The following SH3KBP1 variants were observed in gnomAD, a reference collection of about 807,000 sequenced individuals.
SH3KBP1 encodes SH3 domain-containing kinase-binding protein 1.
SH3KBP1 carries 8 observed loss-of-function variants against 50.1 expected under a neutral mutation model. That is an observed-to-expected ratio of 0.16 (90% CI 0.09 to 0.29). SH3KBP1 has a LOEUF of 0.29. SH3KBP1 is among the 10% of genes least tolerant of loss of function. SH3KBP1 has a pLI of 1.00. For missense variants in SH3KBP1, 377 were observed against 535.2 expected, an observed-to-expected ratio of 0.70 and a Z score of 2.92; for synonymous variants, 227 against 218.6, an observed-to-expected ratio of 1.04 and a Z score of -0.34.
At chrX:19,753,174 T>C (rs937534000) in intron 2 of SH3KBP1, among the ~76,000 whole-genome samples, 2 of 111,558 alleles carry the variant, frequency 1.8e-5, no homozygotes, top group Admixed American at 1.9e-4. Flanking sequence ...CTGAGTGAGG[T>C]TGGGCAGAGC....
chrX:19,760,588 C>T (rs1247266375), intron 2 of SH3KBP1, among the ~76,000 whole-genome samples: 1 of 109,256 alleles, frequency 9.2e-6, no homozygotes. Flanking sequence ...GGGCATGGTA[C>T]TGTTATTCCT....
chrX:19,886,085 G>T (rs2097609128), intron 1 of SH3KBP1, among the ~76,000 whole-genome samples: 1 of 111,947 alleles, frequency 8.9e-6, no homozygotes. Flanking sequence ...TGGGAGAGAA[G>T]GGCACTGTGA....
In SH3KBP1 at chrX:19,651,232, C is replaced by T. The variant is rs144955036; in HGVS notation, c.727-5757G>A. On this transcript the variant is annotated intron_variant, in intron 6 of 17. Coordinates refer to ENST00000397821, the MANE Select transcript of SH3KBP1 (RefSeq NM_031892.3). ...CAATGGGGTGCCTTGTGTGCTTCCC[C>T]GGAAGCTTTTCTGCTCCCTTAGAAA... Among the ~76,000 whole-genome samples, 152 of 110,679 alleles carry T rather than the reference C, an allele frequency of 1.4e-3. 1 individual carries two copies. Among genetic ancestry groups the T allele is most frequent in the Middle Eastern group, 4.7e-3 (1 of 215 alleles).
At chrX:19,786,965 C>T (rs1344292786) in intron 2 of SH3KBP1, among the ~76,000 whole-genome samples, 1 of 112,077 alleles carries the variant, frequency 8.9e-6, no homozygotes, top group African/African-American at 3.2e-5. Flanking sequence ...TGTTACAAAT[C>T]ATTTCATATC....
intron 4 of SH3KBP1, among the ~76,000 whole-genome samples, chrX:19,703,696 CTGTGTGTGTGTGTGTG>C (rs56915755): frequency 0.024 from 1,537 of 63,481 alleles, 32 homozygotes; most frequent in East Asian, 0.13. Flanking sequence ...AAAAGAGAAA[CTGTGTGTGTGTGTGTG>C]TGTGTGTGTG....
At chrX:19,588,231 G>A in intron 12 of SH3KBP1, 1 of 657,059 alleles carries the variant, frequency 1.5e-6, no homozygotes, top group South Asian at 5.0e-5. Context: ...AGAGCAGTGA[G>A]GGTCAGGGGT....
intron 6 of SH3KBP1, among the ~76,000 whole-genome samples, chrX:19,673,567 T>C (rs374981808): frequency 1.6e-4 from 18 of 111,701 alleles, no homozygotes; most frequent in East Asian, 1.1e-3. Flanking sequence ...TTCCAAGAGC[T>C]ACTAGAAGTT....
intron 2 of SH3KBP1, among the ~76,000 whole-genome samples, chrX:19,794,709 T>TAAATA (rs909106421): frequency 9.0e-5 from 10 of 110,948 alleles, no homozygotes; most frequent in Middle Eastern, 4.7e-3. Context: ...TCTCAAAAAA[T>TAAATA]AAATAAAATA....
intron 1 of SH3KBP1, among the ~76,000 whole-genome samples, chrX:19,878,503 T>TGA (rs1442474095): frequency 3.2e-4 from 25 of 78,881 alleles, no homozygotes; most frequent in East Asian, 9.4e-4. Context: ...TGTGTGTGTG[T>TGA]GTGAGAGAGA....
intron 2 of SH3KBP1, among the ~76,000 whole-genome samples, chrX:19,816,659 T>A (rs758703746): frequency 6.3e-5 from 7 of 110,837 alleles, no homozygotes; most frequent in Middle Eastern, 9.2e-3. Flanking sequence ...ATACAAAAAA[T>A]TAGCCAGGCG....
intron 6 of SH3KBP1, among the ~76,000 whole-genome samples, chrX:19,671,963 A>G (rs1459552448): frequency 2.7e-5 from 3 of 111,998 alleles, no homozygotes; most frequent in African/African-American, 9.7e-5. Flanking sequence ...TTTTAATTAA[A>G]CTAATTTAAA....
rs138018311 is a variant in SH3KBP1 at position 19,773,062 on chromosome X, C to A, written c.163-26621G>T. 6.1e-3 allele frequency among the ~76,000 whole-genome samples: 674 copies of A among 111,399 alleles called. 8 individuals are homozygous for A. The highest frequency in any genetic ancestry group is 0.02 in the African/African-American group (613 of 30,541). On this transcript the variant is annotated intron_variant, in intron 2 of 17. Transcript: ENST00000397821. ...AACAGAACCCCCATACACAGAGACACTGATGCACAAGCATAGAGACTCACA... is the reference window on the plus strand; with the variant it reads ...AACAGAACCCCCATACACAGAGACAATGATGCACAAGCATAGAGACTCACA...
At chrX:19,819,232 T>C (rs984470060) in intron 2 of SH3KBP1, among the ~76,000 whole-genome samples, 4 of 112,398 alleles carry the variant, frequency 3.6e-5, no homozygotes, top group African/African-American at 9.7e-5. Context: ...CTTTAATAGC[T>C]GCAGAATCTG....
At chrX:19,745,880 A>G (rs1277543595) in intron 3 of SH3KBP1, among the ~76,000 whole-genome samples, 17 of 112,714 alleles carry the variant, frequency 1.5e-4, no homozygotes, top group Non-Finnish European at 1.9e-4. Flanking sequence ...ATTCTGCCTC[A>G]CAAACTCAGA....
chrX:19,661,189 T>C (rs912208134), intron 6 of SH3KBP1, among the ~76,000 whole-genome samples: 4 of 112,568 alleles, frequency 3.6e-5, no homozygotes, highest in African/African-American at 1.3e-4. Flanking sequence ...GTTTATATTG[T>C]AAAGAAAATG....
intron 12 of SH3KBP1, among the ~76,000 whole-genome samples, chrX:19,587,287 C>T (rs1602571161): frequency 1.9e-5 from 2 of 107,949 alleles, no homozygotes; most frequent in South Asian, 8.1e-4. Flanking sequence ...CTGGAGTAGT[C>T]AAATCCATAG....
chrX:19,602,347 C>T (rs1475081364), intron 9 of SH3KBP1, among the ~76,000 whole-genome samples: 1 of 111,858 alleles, frequency 8.9e-6, no homozygotes, highest in Admixed American at 9.5e-5. Flanking sequence ...CTGTAAGGCC[C>T]CATGAAGGAG....
At chrX:19,606,060 C>A (rs73457688) in intron 9 of SH3KBP1, among the ~76,000 whole-genome samples, 2,546 of 111,998 alleles carry the variant, frequency 0.023, 69 homozygotes, top group African/African-American at 0.078. Flanking sequence ...TAGCTAGAGT[C>A]TTCCTACCCT....
At chrX:19,767,512 AT>A (rs373100940) in intron 2 of SH3KBP1, among the ~76,000 whole-genome samples, 9 of 110,640 alleles carry the variant, frequency 8.1e-5, no homozygotes, top group African/African-American at 1.6e-4. Context: ...GTAGAAAGGG[AT>A]TTTTTTTTAA....
Sources: allele counts gnomAD v4.1 joint callset (sites outside exome capture counted in the v4.1 genomes callset), GRCh38; gene constraint gnomAD v4.1.1; transcripts MANE v1.5; gene names NCBI Gene and HGNC (gene_info 2026-07-23, HGNC 2026-07-21).